Variants in TNFSF10 observed in about 807,000 individuals in gnomAD.
The protein encoded by TNFSF10 is tumor necrosis factor ligand superfamily member 10.
A neutral mutation model predicts 29.5 loss-of-function variants in TNFSF10; 13 were observed. That is an observed-to-expected ratio of 0.44 (90% CI 0.29 to 0.70). The LOEUF (loss-of-function observed/expected upper bound fraction) is 0.70. Ranked by LOEUF, TNFSF10 falls within the 30% of genes least tolerant of loss-of-function variation. The probability of loss-of-function intolerance (pLI) is 0.13; values close to 1 mark genes in which losing one functional copy is unlikely to be tolerated. For synonymous variants in TNFSF10, 111 were observed against 112.8 expected, an observed-to-expected ratio of 0.98 and a Z score of 0.10; for missense variants, 345 against 330.9, an observed-to-expected ratio of 1.04 and a Z score of -0.33.
intron 2 of TNFSF10, among the ~76,000 whole-genome samples, chr3:172,513,127 C>G (rs1713292176): frequency 6.6e-6 from 1 of 152,186 alleles, no homozygotes; most frequent in African/African-American, 2.4e-5. Flanking sequence ...TAGTTGGTAG[C>G]AGGATGTGAG....
chr3:172,510,314 G>T (rs187581431), intron 3 of TNFSF10, among the ~76,000 whole-genome samples: 1 of 152,272 alleles, frequency 6.6e-6, no homozygotes, highest in African/African-American at 2.4e-5. Flanking sequence ...AAATCAGCCA[G>T]GCGTGTTGGC....
intron 2 of TNFSF10, among the ~76,000 whole-genome samples, chr3:172,514,291 C>A (rs1713345170): frequency 6.6e-6 from 1 of 152,186 alleles, no homozygotes; most frequent in Non-Finnish European, 1.5e-5. Context: ...TAAACAGATA[C>A]TTTTTGTAAT....
intron 1 of TNFSF10, chr3:172,522,473 C>T (rs1713741557): frequency 7.7e-7 from 1 of 1,290,726 alleles, no homozygotes. Context: ...TGGTTAGAAT[C>T]TCTTACTGTG....
intron 2 of TNFSF10, among the ~76,000 whole-genome samples, chr3:172,512,862 C>T (rs1713281642): frequency 6.6e-6 from 1 of 152,200 alleles, no homozygotes; most frequent in Non-Finnish European, 1.5e-5. Flanking sequence ...GTTACTGGCT[C>T]TGTGAGACTG....
intron 1 of TNFSF10, chr3:172,522,549 TAG>T: frequency 1.8e-6 from 1 of 554,772 alleles, no homozygotes; most frequent in Non-Finnish European, 3.2e-6. Flanking sequence ...ATTGAGGAAA[TAG>T]ACTCTTTTAT....
In TNFSF10 at chr3:172,523,343, C is replaced by T. The variant is rs1429699535; in HGVS notation, c.42G>A (p.Gln14=). Residue 14 remains glutamine, a synonymous_variant, in exon 1 of 5, where the codon CAG becomes CAA. Coordinates refer to ENST00000241261, the MANE Select transcript of TNFSF10 (RefSeq NM_003810.4). The part of the protein sequence containing the change: ...MEVQGGPSLG[Q]TCVLIVIFTV... ...TGAAGATCACGATCAGCACGCAGGT[C>T]TGTCCCAGGCTGGGTCCCCCCTGGA... 6.2e-7 allele frequency: 1 copy of T among 1,614,076 alleles called. No individual in the cohort carries two copies. The highest frequency in any genetic ancestry group is 1.1e-5 in the South Asian group (1 of 91,072).
At chr3:172,517,957 A>T (rs1713506088) in intron 1 of TNFSF10, 4 of 985,596 alleles carry the variant, frequency 4.1e-6, no homozygotes, top group Non-Finnish European at 4.8e-6. Context: ...TGTTTCTTGC[A>T]TCATGAATTT....
At chr3:172,519,110 T>C (rs1713568684) in intron 1 of TNFSF10, among the ~76,000 whole-genome samples, 1 of 152,346 alleles carries the variant, frequency 6.6e-6, no homozygotes, top group East Asian at 1.9e-4. Context: ...ATAGAATTGT[T>C]ATGAGAATTG....
chr3:172,506,286 T>C lies in TNFSF10; in HGVS notation c.*206A>G, dbSNP rs1364755465. On this transcript the variant is annotated 3_prime_UTR_variant, in exon 5 of 5. Transcript: ENST00000241261. ...GAAAGATCTTTCAGCAATTTCATTC[T>C]CTTGGGATAAGTGAGTCACTTTCAG... is the stretch of plus-strand genomic sequence containing the variant. 7.6e-6 allele frequency: 4 copies of C among 527,016 alleles called. No individual in the cohort carries two copies. The Admixed American group carries it at 1.5e-4, about 20-fold the overall frequency. The allele number at this position is 527,016 out of a possible 1,614,324, so 32.6% of individuals were successfully genotyped here.
At position 172,506,514 on chromosome 3, in the gene TNFSF10, A is replaced by G. The variant is rs758781458; in HGVS notation, c.824T>C (p.Phe275Ser). 3.1e-6 allele frequency: 5 copies of G among 1,604,950 alleles called. No homozygotes were observed. The highest frequency in any genetic ancestry group is 1.1e-5 in the South Asian group (1 of 88,754). Residue 275 changes from phenylalanine to serine, a missense_variant, in exon 5 of 5, where the codon TTT becomes TCT. Coordinates refer to ENST00000241261, the MANE Select transcript of TNFSF10 (RefSeq NM_003810.4). ...CAGTTAGCCAACTAAAAAGGCCCCA[A>G]AAAAACTGGCTTCATGGTCCATGTC... ...LIDMDHEASFFGAFLVG is the reference protein window; with the variant it reads ...LIDMDHEASFSGAFLVG
At chr3:172,507,029 T>A in intron 4 of TNFSF10, 110 bp from the exon 5 acceptor site, 1 of 917,222 alleles carries the variant, frequency 1.1e-6, no homozygotes, top group Non-Finnish European at 1.6e-6. Flanking sequence ...TTGCCAGGGA[T>A]TTCAATCTAA....
chr3:172,522,265 C>T (rs1194319041), intron 1 of TNFSF10: 2 of 659,330 alleles, frequency 3.0e-6, no homozygotes, highest in Non-Finnish European at 5.7e-6. Context: ...AGCAATAGAC[C>T]TCATGTGAGT....
At chr3:172,518,171 T>C (rs886139220) in intron 1 of TNFSF10, 7 of 1,094,074 alleles carry the variant, frequency 6.4e-6, no homozygotes, top group Non-Finnish European at 4.5e-6. Flanking sequence ...CACTTGGGCA[T>C]TGGGGGCAGA....
intron 3 of TNFSF10, among the ~76,000 whole-genome samples, chr3:172,510,535 T>TC (rs765755250): frequency 2.0e-5 from 3 of 152,094 alleles, no homozygotes; most frequent in Non-Finnish European, 4.4e-5. Context: ...AGCAAACACC[T>TC]CCCAAAAAAG....
chr3:172,516,766 C>T (rs940165028), intron 1 of TNFSF10, among the ~76,000 whole-genome samples: 3 of 152,108 alleles, frequency 2.0e-5, no homozygotes, highest in African/African-American at 7.2e-5. Context: ...AGTTGCACCT[C>T]GAATTGACTT....
chr3:172,506,459 C>G lies in TNFSF10; in HGVS notation c.*33G>C, dbSNP rs1322798714. On this transcript the variant is annotated 3_prime_UTR_variant, in exon 5 of 5. Coordinates refer to ENST00000241261, the MANE Select transcript of TNFSF10 (RefSeq NM_003810.4). ...TATCATCCTGAAAACTGAATAGTCA[C>G]TTTGAGGTTATTGCTTTTTCTTTCC... The G allele has an allele frequency of 3.2e-6, 5 of 1,562,390 alleles. No homozygotes were observed. The highest frequency in any genetic ancestry group is 1.2e-5 in the South Asian group (1 of 80,262).
At chr3:172,511,125 C>G (rs1342672259) in intron 3 of TNFSF10, among the ~76,000 whole-genome samples, 2 of 151,998 alleles carry the variant, frequency 1.3e-5, no homozygotes, top group African/African-American at 4.8e-5. Flanking sequence ...GTGGTGTGGC[C>G]ACAGGTGGAG....
intron 4 of TNFSF10, among the ~76,000 whole-genome samples, chr3:172,508,003 G>C (rs1287384875): frequency 1.3e-5 from 2 of 152,192 alleles, no homozygotes; most frequent in African/African-American, 4.8e-5. Context: ...CATGCATCTA[G>C]GTGAAGAGGA....
In TNFSF10 at chr3:172,514,996, C is replaced by A; in HGVS notation, c.135G>T (p.Met45Ile). Reference protein sequence around the residue: ...YVYFTNELKQMQDKYSKSGIA... With the variant: ...YVYFTNELKQIQDKYSKSGIA... ...TGCCACTTTTGGAGTACTTGTCCTG[C>A]ATCTGGGTTGAGATGGAATATAACA... The change falls in exon 2 of 5, where the codon ATG becomes ATT. Residue 45 changes from methionine (M) to isoleucine (I), a missense_variant and splice_region_variant. Coordinates refer to ENST00000241261, the MANE Select transcript of TNFSF10 (RefSeq NM_003810.4). The A allele has an allele frequency of 6.2e-7, 1 of 1,614,094 alleles. No individual in the cohort carries two copies.
Sources: gnomAD v4.1 joint callset for allele counts (sites outside exome capture counted in the v4.1 genomes callset) on GRCh38, gnomAD v4.1.1 for gene constraint, MANE v1.5 for transcripts, NCBI Gene and HGNC (gene_info 2026-07-23, HGNC 2026-07-21) for gene names.